RNFT1: variants seen among roughly 807,000 people sequenced by gnomAD.
The protein encoded by RNFT1 is E3 ubiquitin-protein ligase RNFT1.
In RNFT1, 35 loss-of-function variants were observed where a neutral mutation model predicts 53.2. The ratio of observed to expected loss-of-function variants is 0.66; its 90% CI spans 0.50 to 0.87. RNFT1 has a LOEUF of 0.87. Among genes scored for constraint, RNFT1 ranks in the 40% least tolerant of loss-of-function variants. The pLI, the probability that RNFT1 is intolerant of heterozygous loss-of-function variation, is 0.00. For missense variants in RNFT1, 421 were observed against 515.0 expected (o/e 0.82, Z 1.77); for synonymous variants, 141 against 172.8 (o/e 0.82, Z 1.44).
rs1312663232 is a variant in RNFT1 at position 59,962,917 on chromosome 17, A to G, written c.424T>C (p.Ser142Pro). The G allele has an allele frequency of 6.2e-7, 1 of 1,614,078 alleles. No homozygotes were observed. Among genetic ancestry groups the G allele is most frequent in the Non-Finnish European group, 8.5e-7 (1 of 1,180,018 alleles). The change falls in exon 2 of 9, where the codon TCA becomes CCA. Residue 142 changes from serine to proline, a missense_variant. Ser to Pro is a moderately conservative substitution (Grantham distance 74). Transcript: ENST00000305783. ...CACTTGAAGAGATAGCGGAATTCTG[A>G]GAAGGAGCTACTACCATGATCTCCA... ...ESGDHGSSSF[S>P]EFRYLFKWLQ...
intron 8 of RNFT1, 98 bp from the exon 9 acceptor site, chr17:59,953,209 G>A: frequency 1.1e-6 from 1 of 900,232 alleles, no homozygotes; most frequent in Non-Finnish European, 1.6e-6. Context: ...TTTTTTTTGA[G>A]ATGGAGACTG....
intron 4 of RNFT1, 170 bp from the exon 5 acceptor site, chr17:59,958,614 C>T (rs1312743042): frequency 1.5e-6 from 1 of 681,548 alleles, no homozygotes; most frequent in African/African-American, 1.8e-5. Context: ...CTTAAAGAGA[C>T]TTTTTAAACC....
Position 59,952,894 on chromosome 17 carries a change from C to T in RNFT1, c.*83G>A. On this transcript the variant is annotated 3_prime_UTR_variant, in exon 9 of 9. Coordinates refer to ENST00000305783, the MANE Select transcript of RNFT1 (RefSeq NM_016125.4). ...ATCTGGAAACATTTTTCTGGTAGCCCTGAAAATCCATTCTGATGCCTTATC... is the reference window on the plus strand; with the variant it reads ...ATCTGGAAACATTTTTCTGGTAGCCTTGAAAATCCATTCTGATGCCTTATC... 7.4e-7 allele frequency: 1 copy of T among 1,343,748 alleles called. No individual in the cohort carries two copies. Among genetic ancestry groups the T allele is most frequent in the Non-Finnish European group, 1.0e-6 (1 of 979,690 alleles). 83.2% of individuals were successfully genotyped at this position (1,343,748 alleles called of 1,614,324 possible). A position where few individuals can be genotyped will look rare whatever the true frequency, so the allele number is the denominator to read the frequency against.
chr17:59,956,961 G>C (rs2045257661), intron 6 of RNFT1, among the ~76,000 whole-genome samples: 1 of 152,180 alleles, frequency 6.6e-6, no homozygotes, highest in South Asian at 2.1e-4. Flanking sequence ...GGATGGGTAT[G>C]TTCTATTCCA....
In RNFT1 at chr17:59,962,960, A is replaced by G. The variant is rs2045305719; in HGVS notation, c.381T>C (p.Asp127=). 1 of 1,614,256 alleles carries G rather than the reference A, an allele frequency of 6.2e-7. No individual in the cohort carries two copies. Among genetic ancestry groups the G allele is most frequent in the Non-Finnish European group, 8.5e-7 (1 of 1,180,044 alleles). Reference sequence around the variant, plus strand: ...GATCTCCAGATTCTGCGGCAGTATCATCAGTCAGCCTTGCTTCACTGTGGG... The same window carrying G: ...GATCTCCAGATTCTGCGGCAGTATCGTCAGTCAGCCTTGCTTCACTGTGGG... ...GHSHSEARLT[D]DTAAESGDHG... The change falls in exon 2 of 9, where the codon GAT becomes GAC. Residue 127 remains aspartate, a synonymous_variant. Coordinates refer to ENST00000305783, the MANE Select transcript of RNFT1 (RefSeq NM_016125.4).
rs74348089 is a variant in RNFT1, at chr17:59,953,855, G to T, written c.1173+190C>A. 534 of 435,064 alleles carry T rather than the reference G, an allele frequency of 1.2e-3. 16 individuals carry two copies. In the East Asian group the frequency reaches 0.022, roughly 18 times the overall value. The allele number at this position is 435,064 out of a possible 1,614,324, so 27.0% of individuals were successfully genotyped here. ...TTGAATTATTTTTTCCCCTTCATAC[G>T]CTCCTCTGCATAAAAATTATCAGAA... On this transcript the variant is annotated intron_variant, in intron 8 of 8. Transcript: ENST00000305783.
intron 4 of RNFT1, chr17:59,959,859 A>C (rs1053913166): frequency 1.3e-4 from 38 of 301,024 alleles, no homozygotes; most frequent in Non-Finnish European, 2.1e-4. Flanking sequence ...GCAGTGAGCC[A>C]AGATCAAGAC....
intron 2 of RNFT1, 83 bp from the exon 3 acceptor site, chr17:59,962,699 A>G: frequency 7.4e-7 from 1 of 1,350,456 alleles, no homozygotes; most frequent in South Asian, 1.3e-5. Context: ...CAAATTAAAA[A>G]TAAACATATA....
chr17:59,958,988 C>A (rs941736996), intron 4 of RNFT1, among the ~76,000 whole-genome samples: 2 of 150,722 alleles, frequency 1.3e-5, no homozygotes, highest in African/African-American at 4.9e-5. Flanking sequence ...CAGTACTGGG[C>A]TCTCTATCTA....
intron 3 of RNFT1, among the ~76,000 whole-genome samples, chr17:59,961,628 G>A (rs181665408): frequency 4.9e-4 from 74 of 151,958 alleles, no homozygotes; most frequent in African/African-American, 1.6e-3. Flanking sequence ...CCAGGCTGGA[G>A]TGCAGTGGCA....
Position 59,962,848 on chromosome 17 carries a change from G to A in RNFT1, c.493C>T (p.Leu165Phe). 1 of 1,612,148 alleles carries A rather than the reference G, an allele frequency of 6.2e-7. No homozygotes were observed. Among genetic ancestry groups the A allele is most frequent in the Non-Finnish European group, 8.5e-7 (1 of 1,178,252 alleles). The change falls in exon 2 of 9, where the codon CTT becomes TTT. Residue 165 changes from leucine (L) to phenylalanine (F), a missense_variant. By Grantham distance (22) the Leu-to-Phe change is conservative (BLOSUM62 0). Coordinates refer to ENST00000305783, the MANE Select transcript of RNFT1 (RefSeq NM_016125.4). ...CTACCTGTTATATGCTGCATAACAA[G>A]TTTGACGCTCAGAATCAAAATATAT... ...LPYILILSVK[L>F]VMQHITGISL...
rs757241960 is a variant in RNFT1 at position 59,957,302 on chromosome 17, A to G, written c.927T>C (p.Leu309=). The G allele has an allele frequency of 1.5e-5, 25 of 1,613,900 alleles. No homozygotes were observed. Among genetic ancestry groups the G allele is most frequent in the Non-Finnish European group, 2.0e-5 (24 of 1,179,976 alleles). ...FVPIPVWFRY[L]ISYGEFGNVT... is the part of the protein sequence containing the mutation. ...CGTTACCAAACTCCCCATAGCTTAT[A>G]AGGTAGCGAAACCAAACTGGTATGG... Residue 309 remains leucine, a synonymous_variant, in exon 6 of 9, where the codon CTT becomes CTC. Transcript: ENST00000305783.
chr17:59,958,347 C>A lies in RNFT1; in HGVS notation c.790G>T (p.Gly264Cys). Reference protein sequence around the residue: ...TDFILKFFFMGLKCLILLVPS... With the variant: ...TDFILKFFFMCLKCLILLVPS... ...ACCAATAAAATAAGGCATTTTAAGCCCATGAAAAAGAATTTCAGAATGAAG... is the reference window on the plus strand; with the variant it reads ...ACCAATAAAATAAGGCATTTTAAGCACATGAAAAAGAATTTCAGAATGAAG... Residue 264 changes from glycine to cysteine, a missense_variant, in exon 5 of 9, where the codon GGC becomes TGC. Physicochemically the swap from Gly to Cys is radical, Grantham distance 159. Coordinates refer to ENST00000305783, the MANE Select transcript of RNFT1 (RefSeq NM_016125.4). 6.2e-7 allele frequency: 1 copy of A among 1,602,256 alleles called. No individual in the cohort carries two copies. Among genetic ancestry groups the A allele is most frequent in the Non-Finnish European group, 8.5e-7 (1 of 1,177,174 alleles).
chr17:59,959,673 G>A lies in RNFT1; in HGVS notation c.692+395C>T, dbSNP rs550693577. 12 of 153,968 alleles carry A rather than the reference G, an allele frequency of 7.8e-5. No individual in the cohort carries two copies. The South Asian group carries it at 2.4e-3, about 31-fold the overall frequency. The allele number at this position is 153,968 out of a possible 1,614,324, so 9.5% of individuals were successfully genotyped here. A position where few individuals can be genotyped will look rare whatever the true frequency, so the allele number is the denominator to read the frequency against. Reference sequence around the variant, plus strand: ...GCAGTGGCTCACACCTGTAATCCCAGCACTTTAGGAGGTGGAGGCAGGCAG... The same window carrying A: ...GCAGTGGCTCACACCTGTAATCCCAACACTTTAGGAGGTGGAGGCAGGCAG... On this transcript the variant is annotated intron_variant, in intron 4 of 8. Transcript: ENST00000305783.
chr17:59,952,308 A>G lies in RNFT1; in HGVS notation c.*669T>C, dbSNP rs1232264404. The G allele has an allele frequency of 6.6e-6, 1 of 152,234 alleles. No homozygotes were observed. Among genetic ancestry groups the G allele is most frequent in the Non-Finnish European group, 1.5e-5 (1 of 68,036 alleles). 9.4% of individuals were successfully genotyped at this position (152,234 alleles called of 1,614,324 possible). A position where few individuals can be genotyped will look rare whatever the true frequency, so the allele number is the denominator to read the frequency against. On this transcript the variant is annotated 3_prime_UTR_variant, in exon 9 of 9. Coordinates refer to ENST00000305783, the MANE Select transcript of RNFT1 (RefSeq NM_016125.4). Reference sequence around the variant, plus strand: ...TCCATGGTACTATACAAAAAGCATGATCATGAACATTAAAGCTGATGGCAG... The same window carrying G: ...TCCATGGTACTATACAAAAAGCATGGTCATGAACATTAAAGCTGATGGCAG...
chr17:59,957,776 C>T (rs1243141703), intron 5 of RNFT1, among the ~76,000 whole-genome samples: 5 of 151,984 alleles, frequency 3.3e-5, no homozygotes, highest in Non-Finnish European at 7.4e-5. Context: ...ACCCAGGAGG[C>T]GGAGGTTGCA....
rs781046257 is a variant in RNFT1, at chr17:59,954,111, T to A, written c.1107A>T (p.Ser369=). The A allele has an allele frequency of 1.4e-5, 22 of 1,603,884 alleles. No homozygotes were observed. The South Asian group carries it at 2.1e-4, about 16-fold the overall frequency. ...YGVAASKRQC[S]DVDDICSICQ... is the part of the protein sequence containing the mutation. ...ATATTGAACAAATATCATCCACATC[T>A]GAACACTGTCTCTTGCTGGCAGCCA... Residue 369 remains serine, a synonymous_variant, in exon 8 of 9, where the codon TCA becomes TCT. Transcript: ENST00000305783.
At position 59,960,181 on chromosome 17, in the gene RNFT1, C is replaced by T. The variant is rs771997878; in HGVS notation, c.592-13G>A. ...TTGAGGACCTTTCCTGAAAGATAAA[C>T]AATTTTATAATGTTACTTTGATTTT... is the stretch of plus-strand genomic sequence containing the variant. On this transcript the variant is annotated splice_polypyrimidine_tract_variant and intron_variant, in intron 3 of 8. Coordinates refer to ENST00000305783, the MANE Select transcript of RNFT1 (RefSeq NM_016125.4). 1 of 1,593,880 alleles carries T rather than the reference C, an allele frequency of 6.3e-7. No individual in the cohort carries two copies. Among genetic ancestry groups the T allele is most frequent in the East Asian group, 2.2e-5 (1 of 44,560 alleles).
At chr17:59,963,448 A>G (rs2045310638) in intron 1 of RNFT1, among the ~76,000 whole-genome samples, 164 bp from the exon 2 acceptor site, 1 of 152,074 alleles carries the variant, frequency 6.6e-6, no homozygotes, top group Admixed American at 6.6e-5. Flanking sequence ...CTTAATGCCA[A>G]GGCTCTGCTG....
Sources: allele counts gnomAD v4.1 joint callset (sites outside exome capture counted in the v4.1 genomes callset), GRCh38; gene constraint gnomAD v4.1.1; transcripts MANE v1.5; gene names NCBI Gene and HGNC (gene_info 2026-07-23, HGNC 2026-07-21).